Variants in CDK5RAP2 observed in about 807,000 individuals in gnomAD.
CDK5RAP2 encodes the protein CDK5 regulatory subunit-associated protein 2.
A neutral mutation model predicts 232.9 loss-of-function variants in CDK5RAP2; 147 were observed. The ratio of observed to expected loss-of-function variants is 0.63; its 90% CI spans 0.55 to 0.72. The LOEUF is 0.72. Among genes scored for constraint, CDK5RAP2 ranks in the 30% least tolerant of loss-of-function variants. CDK5RAP2 has a pLI of 0.00. For missense variants in CDK5RAP2, 2,195 were observed against 2,231.5 expected (o/e 0.98, Z 0.33); for synonymous variants, 833 against 833.7 (o/e 1.00, Z 0.01).
intron 3 of CDK5RAP2, among the ~76,000 whole-genome samples, chr9:120,551,278 T>TAATG (rs979933210): frequency 3.9e-5 from 6 of 152,196 alleles, no homozygotes; most frequent in African/African-American, 1.4e-4. Flanking sequence ...ACCTCTACAG[T>TAATG]AATGATTGAT....
chr9:120,400,681 G>A lies in CDK5RAP2; in HGVS notation c.5451+61C>T, dbSNP rs1448278506. 1.9e-6 allele frequency: 3 copies of A among 1,604,910 alleles called. No individual in the cohort carries two copies. The African/African-American group carries it at 4.0e-5, about 21-fold the overall frequency. On this transcript the variant is annotated intron_variant, in intron 35 of 37. Transcript: ENST00000349780. Reference sequence around the variant, plus strand: ...CTGTGGGCCCCTGCTTGGCATGGAGGAAACTGAGACACAGGCCCCAGTGGC... The same window carrying A: ...CTGTGGGCCCCTGCTTGGCATGGAGAAAACTGAGACACAGGCCCCAGTGGC...
intron 8 of CDK5RAP2, among the ~76,000 whole-genome samples, chr9:120,529,773 C>T (rs908069756): frequency 9.2e-5 from 14 of 152,196 alleles, no homozygotes; most frequent in African/African-American, 2.9e-4. Flanking sequence ...CTTTAAGCAA[C>T]TCTTTATAGG....
chr9:120,545,854 A>G, intron 4 of CDK5RAP2, 64 bp from the exon 5 acceptor site: 1 of 1,271,102 alleles, frequency 7.9e-7, no homozygotes. Context: ...AATGTCAACA[A>G]TGGGGAAACT....
chr9:120,478,524 C>T (rs1057110000), intron 14 of CDK5RAP2, among the ~76,000 whole-genome samples: 1 of 152,188 alleles, frequency 6.6e-6, no homozygotes, highest in Non-Finnish European at 1.5e-5. Context: ...ATAATCCCAG[C>T]TCTGTGGGAG....
intron 4 of CDK5RAP2, among the ~76,000 whole-genome samples, chr9:120,549,684 G>C (rs1202945214): frequency 6.6e-6 from 1 of 152,204 alleles, no homozygotes; most frequent in East Asian, 1.9e-4. Context: ...GATAGAGTTG[G>C]CAACAGACAC....
intron 14 of CDK5RAP2, among the ~76,000 whole-genome samples, chr9:120,484,156 G>C (rs1046785918): frequency 7.9e-5 from 12 of 152,204 alleles, no homozygotes; most frequent in African/African-American, 2.7e-4. Context: ...AGTCTATGGA[G>C]ACATGATCAT....
intron 3 of CDK5RAP2, among the ~76,000 whole-genome samples, chr9:120,565,796 C>T (rs2042626472): frequency 6.6e-6 from 1 of 152,148 alleles, no homozygotes; most frequent in Non-Finnish European, 1.5e-5. Context: ...GTCATAGCCC[C>T]TCCTCTGTGG....
intron 3 of CDK5RAP2, among the ~76,000 whole-genome samples, chr9:120,558,501 T>A (rs1024179306): frequency 6.6e-6 from 1 of 151,866 alleles, no homozygotes; most frequent in Non-Finnish European, 1.5e-5. Context: ...AGCTCTTTTT[T>A]CCATCATTCT....
At chr9:120,420,855 G>C (rs764306190) in intron 26 of CDK5RAP2, among the ~76,000 whole-genome samples, 1 of 152,198 alleles carries the variant, frequency 6.6e-6, no homozygotes, top group African/African-American at 2.4e-5. Flanking sequence ...ATGGGCCAAG[G>C]GCACCCACTT....
chr9:120,557,008 T>C (rs983634139), intron 3 of CDK5RAP2, among the ~76,000 whole-genome samples: 3 of 152,242 alleles, frequency 2.0e-5, no homozygotes, highest in African/African-American at 7.2e-5. Context: ...AAAATATTTA[T>C]GTAGGTTGCT....
chr9:120,401,849 T>A (rs1398954035), intron 34 of CDK5RAP2, among the ~76,000 whole-genome samples: 2 of 151,854 alleles, frequency 1.3e-5, no homozygotes, highest in African/African-American at 4.8e-5. Flanking sequence ...CCGGGCATGG[T>A]GGCAGGCGCC....
intron 3 of CDK5RAP2, among the ~76,000 whole-genome samples, chr9:120,559,394 G>A (rs1588655494): frequency 1.3e-5 from 2 of 150,716 alleles, no homozygotes; most frequent in East Asian, 3.9e-4. Flanking sequence ...GGCTGAGGCA[G>A]GAGAAGGGCA....
At chr9:120,541,464 T>C (rs1430056936) in intron 5 of CDK5RAP2, among the ~76,000 whole-genome samples, 3 of 152,246 alleles carry the variant, frequency 2.0e-5, no homozygotes, top group Non-Finnish European at 4.4e-5. Flanking sequence ...GCAATAAAAT[T>C]TATACTCAGT....
In CDK5RAP2 at chr9:120,389,256, G is replaced by C. The variant is rs2031687677; in HGVS notation, c.5662C>G (p.Pro1888Ala). Residue 1888 changes from proline to alanine, a missense_variant, in exon 38 of 38, where the codon CCC (proline) becomes GCC (alanine). Physicochemically the swap from Pro to Ala is conservative, Grantham distance 27. Coordinates refer to ENST00000349780, the MANE Select transcript of CDK5RAP2 (RefSeq NM_018249.6). Reference sequence around the variant, plus strand: ...TCTTCTCAGGAGCCTGGTCTGCTGGGACTGCATGTTCCTGGATGGGCTCCC... The same window carrying C: ...TCTTCTCAGGAGCCTGGTCTGCTGGCACTGCATGTTCCTGGATGGGCTCCC... ...PGGAHPGTCS[P>A]SRPGS 1 of 1,612,948 alleles carries C rather than the reference G, an allele frequency of 6.2e-7. No homozygotes were observed. Among genetic ancestry groups the C allele is most frequent in the African/African-American group, 1.3e-5 (1 of 74,900 alleles).
intron 3 of CDK5RAP2, among the ~76,000 whole-genome samples, chr9:120,560,232 A>G (rs1325459198): frequency 6.6e-6 from 1 of 152,248 alleles, no homozygotes; most frequent in Admixed American, 6.5e-5. Flanking sequence ...TGGCTCATCT[A>G]TAAAATGAGG....
chr9:120,457,455 C>T (rs1245373692), intron 20 of CDK5RAP2, among the ~76,000 whole-genome samples: 1 of 152,244 alleles, frequency 6.6e-6, no homozygotes, highest in East Asian at 1.9e-4. Context: ...CCAACTACTA[C>T]GGTCACCTAA....
intron 21 of CDK5RAP2, among the ~76,000 whole-genome samples, chr9:120,451,413 T>C (rs1430579411): frequency 2.6e-5 from 4 of 152,202 alleles, no homozygotes; most frequent in African/African-American, 9.6e-5. Context: ...AACTAAACAA[T>C]TGAAAGGATA....
chr9:120,470,645 ATT>A (rs34808923), intron 16 of CDK5RAP2, among the ~76,000 whole-genome samples: 43 of 143,576 alleles, frequency 3.0e-4, no homozygotes, highest in Admixed American at 4.2e-4. Context: ...GTGTCTGATC[ATT>A]TTTTTTTTTT....
intron 3 of CDK5RAP2, among the ~76,000 whole-genome samples, chr9:120,562,918 T>A (rs1476102721): frequency 6.6e-6 from 1 of 152,258 alleles, no homozygotes; most frequent in East Asian, 1.9e-4. Context: ...CCATACAAGG[T>A]TACACATTCA....
Sources: gnomAD v4.1 joint callset for allele counts (sites outside exome capture counted in the v4.1 genomes callset) on GRCh38, gnomAD v4.1.1 for gene constraint, MANE v1.5 for transcripts, NCBI Gene and HGNC (gene_info 2026-07-23, HGNC 2026-07-21) for gene names.